Variants in TTC23L observed in about 807,000 individuals in gnomAD.
TTC23L encodes tetratricopeptide repeat domain 23 like.
TTC23L carries 42 observed loss-of-function variants against 48.1 expected under a neutral mutation model. That is an observed-to-expected ratio of 0.87 (90% confidence interval 0.68 to 1.13). TTC23L has a LOEUF of 1.13. Ranked by LOEUF, TTC23L falls within the 50% of genes most tolerant of loss-of-function variation. The pLI is 0.00. For missense variants in TTC23L, 391 were observed against 421.0 expected (o/e 0.93, Z 0.62); for synonymous variants, 159 against 157.2 (o/e 1.01, Z -0.09).
intron 6 of TTC23L, among the ~76,000 whole-genome samples, chr5:34,865,929 G>T (rs2150404434): frequency 6.6e-6 from 1 of 152,288 alleles, no homozygotes; most frequent in Non-Finnish European, 1.5e-5. Flanking sequence ...TCTACTATAT[G>T]TTAGGTGATT....
At chr5:34,842,558 T>G (rs1030961690) in intron 2 of TTC23L, among the ~76,000 whole-genome samples, 2 of 152,116 alleles carry the variant, frequency 1.3e-5, no homozygotes, top group African/African-American at 4.8e-5. Context: ...TACACAGCCC[T>G]CTGTATTTAT....
chr5:34,885,702 A>G (rs1293261517), intron 9 of TTC23L, among the ~76,000 whole-genome samples: 1 of 151,932 alleles, frequency 6.6e-6, no homozygotes. Flanking sequence ...AGCCCTGATC[A>G]CACCCCTGCA....
At position 34,887,857 on chromosome 5, in the gene TTC23L, C is replaced by T. The variant is rs190427507; in HGVS notation, c.1077+7549C>T. Among the ~76,000 whole-genome samples, 3 of 152,222 alleles carry T rather than the reference C, an allele frequency of 2.0e-5. No individual in the cohort carries two copies. The East Asian group carries it at 5.8e-4, about 29-fold the overall frequency. ...ACAAATGTTCTGAAATAAAAAAAGACCATAGCATATACATTGTAAGGATTT... is the reference window on the plus strand; with the variant it reads ...ACAAATGTTCTGAAATAAAAAAAGATCATAGCATATACATTGTAAGGATTT... On this transcript the variant is annotated intron_variant, in intron 9 of 10. Transcript: ENST00000505624.
At chr5:34,871,934 A>G (rs1761495689) in intron 8 of TTC23L, among the ~76,000 whole-genome samples, 1 of 152,210 alleles carries the variant, frequency 6.6e-6, no homozygotes, top group Non-Finnish European at 1.5e-5. Flanking sequence ...ATACACAGAC[A>G]TTAATAATGG....
intron 8 of TTC23L, among the ~76,000 whole-genome samples, chr5:34,871,396 TGAAA>T: frequency 6.6e-6 from 1 of 152,164 alleles, no homozygotes; most frequent in South Asian, 2.1e-4. Flanking sequence ...ACAAAACTGA[TGAAA>T]GAAATTAAAT....
At chr5:34,851,680 C>T (rs933174393) in intron 4 of TTC23L, among the ~76,000 whole-genome samples, 10 of 152,208 alleles carry the variant, frequency 6.6e-5, no homozygotes, top group South Asian at 2.1e-4. Context: ...CCCCTAGTGG[C>T]GTTCCGTGCT....
intron 9 of TTC23L, among the ~76,000 whole-genome samples, chr5:34,890,643 A>G (rs985269651): frequency 6.6e-6 from 1 of 152,110 alleles, no homozygotes; most frequent in African/African-American, 2.4e-5. Context: ...TACATGTGGG[A>G]AAACTGAAGT....
At chr5:34,881,980 T>A (rs1762253739) in intron 9 of TTC23L, among the ~76,000 whole-genome samples, 1 of 152,004 alleles carries the variant, frequency 6.6e-6, no homozygotes, top group Non-Finnish European at 1.5e-5. Context: ...GGTCTCGAAC[T>A]CCCACCTCAA....
At chr5:34,846,534 C>T (rs1179151799) in intron 3 of TTC23L, among the ~76,000 whole-genome samples, 11 of 123,624 alleles carry the variant, frequency 8.9e-5, no homozygotes, top group African/African-American at 2.8e-4. Flanking sequence ...CACTCCAGCC[C>T]GGGCCGACAA....
exon 6 of TTC23L, chr5:34,864,502 A>C (rs369927776): frequency 6.2e-7 from 1 of 1,613,828 alleles, no homozygotes; most frequent in Non-Finnish European, 8.5e-7. Flanking sequence ...AAAGAATTAT[A>C]TAAAGGAGGT....
chr5:34,853,444 T>C (rs912121070), intron 4 of TTC23L, among the ~76,000 whole-genome samples: 2 of 152,006 alleles, frequency 1.3e-5, no homozygotes, highest in Admixed American at 6.5e-5. Flanking sequence ...GGCAGGAGAA[T>C]TGCTTGAACC....
At chr5:34,848,587 T>C (rs112062928) in intron 3 of TTC23L, among the ~76,000 whole-genome samples, 1,652 of 152,262 alleles carry the variant, frequency 0.011, 17 homozygotes, top group African/African-American at 0.021. Context: ...GATGAAGTGG[T>C]GTCTATTTTA....
At chr5:34,914,627 C>T in the TTC23L span, 1 of 1,488,472 alleles carries the variant, frequency 6.7e-7, no homozygotes, top group South Asian at 1.1e-5. Context: ...TCTACTGAAA[C>T]CTTCCGATTT....
chr5:34,896,643 C>T, intron 9 of TTC23L, 127 bp from the exon 10 acceptor site: 2 of 707,430 alleles, frequency 2.8e-6, no homozygotes, highest in South Asian at 1.5e-5. Flanking sequence ...TAAGAGAAAA[C>T]ATGAAGAAAT....
chr5:34,921,268 CT>C, the TTC23L span: 2 of 152,264 alleles, frequency 1.3e-5, no homozygotes, highest in East Asian at 3.9e-4. Flanking sequence ...TCAAGTGTGA[CT>C]TTTGTAAGCC....
downstream of TTC23L, among the ~76,000 whole-genome samples, chr5:34,904,419 C>T (rs1763584056): frequency 1.3e-5 from 2 of 151,610 alleles, no homozygotes; most frequent in East Asian, 2.0e-4. Flanking sequence ...CATGGTGAAA[C>T]CCCATCTCTA....
chr5:34,844,663 A>G (rs1204898670), intron 2 of TTC23L, among the ~76,000 whole-genome samples: 2 of 152,214 alleles, frequency 1.3e-5, no homozygotes, highest in Non-Finnish European at 2.9e-5. Context: ...CTTTTGAGTT[A>G]TTGTGAGTAT....
intron 9 of TTC23L, among the ~76,000 whole-genome samples, chr5:34,881,888 C>T (rs529764975): frequency 2.3e-4 from 35 of 151,770 alleles, no homozygotes; most frequent in East Asian, 7.8e-4. Flanking sequence ...CTCAGCCTCC[C>T]GGAACAGCTG....
At chr5:34,880,033 C>T in intron 8 of TTC23L, 148 bp from the exon 9 acceptor site, 1 of 869,700 alleles carries the variant, frequency 1.1e-6, no homozygotes, top group Non-Finnish European at 1.7e-6. Context: ...AAAAACCACA[C>T]ATCTTAGACT....
Sources: gnomAD v4.1 joint callset for allele counts (sites outside exome capture counted in the v4.1 genomes callset) on GRCh38, gnomAD v4.1.1 for gene constraint, MANE v1.5 for transcripts, NCBI Gene and HGNC (gene_info 2026-07-23, HGNC 2026-07-21) for gene names.